The following TRAF5 variants were observed in gnomAD, a reference collection of about 807,000 sequenced individuals.
The protein encoded by TRAF5 is TNF receptor associated factor 5.
Under a neutral mutation model 64.5 loss-of-function variants are expected in TRAF5, and 48 were observed. The observed-to-expected ratio is 0.74, with a 90% CI of 0.59 to 0.95. The LOEUF (loss-of-function observed/expected upper bound fraction) is 0.95, where lower values mean the gene tolerates loss of function less well. TRAF5 is among the 40% of genes least tolerant of loss of function. The probability of loss-of-function intolerance (pLI) is 0.00; values close to 1 mark genes in which losing one functional copy is unlikely to be tolerated. For missense variants in TRAF5, 545 were observed against 662.8 expected (o/e 0.82, Z 1.95); for synonymous variants, 206 against 240.5 (o/e 0.86, Z 1.33).
At chr1:211,354,303 G>A in intron 2 of TRAF5, 107 bp from the exon 3 acceptor site, 1 of 1,009,878 alleles carries the variant, frequency 9.9e-7, no homozygotes, top group Non-Finnish European at 1.5e-6. Context: ...TGCAGACAGG[G>A]ACCAGCCTGC....
At position 211,360,705 on chromosome 1, in the gene TRAF5, CATG is replaced by C. The variant is rs1277085137; in HGVS notation, c.549_551del (p.His183_Glu184delinsGln). 6.2e-7 allele frequency: 1 copy of C among 1,613,282 alleles called. No individual in the cohort carries two copies. The highest frequency in any genetic ancestry group is 2.2e-5 in the East Asian group (1 of 44,878). On this transcript the variant is annotated inframe_deletion, in exon 6 of 11. Transcript: ENST00000261464. ...TATTGCACTTTCTCTATTTCAGAAT[CATG>C]AGGAAAACTTGTGTCCTGAATACCC...
Position 211,361,147 on chromosome 1 carries a change from T to C in TRAF5, c.681T>C (p.Tyr227=), listed in dbSNP as rs145765066. 5 of 1,614,088 alleles carry C rather than the reference T, an allele frequency of 3.1e-6. No individual in the cohort carries two copies. Among genetic ancestry groups the C allele is most frequent in the Non-Finnish European group, 4.2e-6 (5 of 1,180,026 alleles). The change falls in exon 7 of 11, where the codon TAT becomes TAC. Residue 227 remains tyrosine (Y), a synonymous_variant. Coordinates refer to ENST00000261464, the MANE Select transcript of TRAF5 (RefSeq NM_001033910.3). ...EAEQDCPFKH[Y]GCAVTDKRRN... is the part of the protein sequence containing the mutation. Reference sequence around the variant, plus strand: ...AGCAAGACTGTCCTTTTAAGCACTATGGCTGTGCTGTAACGGTATGGAATG... The same window carrying C: ...AGCAAGACTGTCCTTTTAAGCACTACGGCTGTGCTGTAACGGTATGGAATG...
intron 1 of TRAF5, among the ~76,000 whole-genome samples, chr1:211,336,952 C>A (rs1558131917): frequency 6.6e-6 from 1 of 151,818 alleles, no homozygotes; most frequent in Non-Finnish European, 1.5e-5. Flanking sequence ...AGCCGCTGCA[C>A]CTGGCCAGAC....
chr1:211,350,351 G>A (rs1702749549), intron 1 of TRAF5, among the ~76,000 whole-genome samples: 1 of 151,520 alleles, frequency 6.6e-6, no homozygotes, highest in African/African-American at 2.4e-5. Context: ...CAGGTAGCTT[G>A]TGCGAAGGCC....
intron 1 of TRAF5, among the ~76,000 whole-genome samples, chr1:211,349,632 G>T (rs1448373988): frequency 2.0e-5 from 3 of 152,168 alleles, no homozygotes. Flanking sequence ...AAATCATAGG[G>T]GGTCCAGAGA....
At chr1:211,331,815 G>A (rs1035331794) in intron 1 of TRAF5, among the ~76,000 whole-genome samples, 5 of 152,072 alleles carry the variant, frequency 3.3e-5, no homozygotes, top group Admixed American at 1.3e-4. Context: ...ACAGGCATCC[G>A]CCACCACGGC....
intron 8 of TRAF5, among the ~76,000 whole-genome samples, chr1:211,368,583 A>C (rs552493894): frequency 6.6e-6 from 1 of 152,266 alleles, no homozygotes; most frequent in African/African-American, 2.4e-5. Flanking sequence ...GAAGACTGAA[A>C]CTAGTGCTGA....
At chr1:211,339,965 G>A (rs1311341756) in intron 1 of TRAF5, among the ~76,000 whole-genome samples, 1 of 152,240 alleles carries the variant, frequency 6.6e-6, no homozygotes, top group South Asian at 2.1e-4. Context: ...ATGAGCATTT[G>A]TGGGAAGGTG....
At chr1:211,338,788 G>A (rs1702372573) in intron 1 of TRAF5, among the ~76,000 whole-genome samples, 1 of 151,988 alleles carries the variant, frequency 6.6e-6, no homozygotes, top group Non-Finnish European at 1.5e-5. Context: ...CCATGCCCAG[G>A]TAATTTTTAT....
chr1:211,326,925 C>T lies in TRAF5; in HGVS notation c.-2+36C>T, dbSNP rs1280672716. ...CGGGTCGCCGCCCTGGGCACCCTCG[C>T]GACGGAAGGGCCGGGGTGGGGACAC... On this transcript the variant is annotated intron_variant, in intron 1 of 10. Coordinates refer to ENST00000261464, the MANE Select transcript of TRAF5 (RefSeq NM_001033910.3). The surrounding 1 kb of genome is among the most constrained non-coding windows in gnomAD (Gnocchi z 5.0). 1.3e-5 allele frequency: 13 copies of T among 984,814 alleles called. No homozygotes were observed. The South Asian group carries it at 1.4e-4, about 10-fold the overall frequency. 61.0% of individuals were successfully genotyped at this position (984,814 alleles called of 1,614,324 possible).
At chr1:211,364,260 T>C (rs998142651) in intron 7 of TRAF5, among the ~76,000 whole-genome samples, 1 of 152,182 alleles carries the variant, frequency 6.6e-6, no homozygotes, top group Non-Finnish European at 1.5e-5. Context: ...AGTCTATGGT[T>C]TTGAGGGCAA....
At chr1:211,338,284 C>A (rs1230240164) in intron 1 of TRAF5, among the ~76,000 whole-genome samples, 1 of 152,200 alleles carries the variant, frequency 6.6e-6, no homozygotes, top group African/African-American at 2.4e-5. Flanking sequence ...TCCAAGCTAG[C>A]ATTTTCATCA....
intron 8 of TRAF5, 95 bp downstream of exon 8, chr1:211,365,563 G>A: frequency 1.0e-6 from 1 of 988,710 alleles, no homozygotes; most frequent in Non-Finnish European, 1.5e-6. Context: ...CCCTGTTTCA[G>A]TATAAGTCAA....
intron 9 of TRAF5, among the ~76,000 whole-genome samples, chr1:211,370,979 G>A (rs1446481361): frequency 6.6e-6 from 1 of 152,074 alleles, no homozygotes; most frequent in Non-Finnish European, 1.5e-5. Context: ...AAGTGATAGG[G>A]CAAGAGGAGA....
chr1:211,356,292 C>A, intron 3 of TRAF5, 75 bp from the exon 4 acceptor site: 22 of 1,311,868 alleles, frequency 1.7e-5, no homozygotes, highest in Non-Finnish European at 2.3e-5. Context: ...CACTCGAAGA[C>A]CAAATTAGTA....
intron 8 of TRAF5, 116 bp downstream of exon 8, chr1:211,365,584 A>G: frequency 2.5e-6 from 2 of 798,262 alleles, no homozygotes; most frequent in South Asian, 4.0e-5. Context: ...TTAGAGGTAG[A>G]TGTTTTTCTA....
In TRAF5 at chr1:211,372,647, A is replaced by G; in HGVS notation, c.1619A>G (p.Asp540Gly). 1 of 1,614,200 alleles carries G rather than the reference A, an allele frequency of 6.2e-7. No individual in the cohort carries two copies. Among genetic ancestry groups the G allele is most frequent in the South Asian group, 1.1e-5 (1 of 91,082 alleles). ...AATGCCAAGAACGCCTACATTAAAG[A>G]TGACACTCTGTTCTTGAAAGTGGCC... The part of the protein sequence containing the change: ...LENAKNAYIK[D>G]DTLFLKVAVD... The change falls in exon 11 of 11, where the codon GAT becomes GGT. Residue 540 changes from aspartate (D) to glycine (G), a missense_variant. Physicochemically the swap from Asp to Gly is moderately conservative, Grantham distance 94. Coordinates refer to ENST00000261464, the MANE Select transcript of TRAF5 (RefSeq NM_001033910.3).
intron 1 of TRAF5, among the ~76,000 whole-genome samples, chr1:211,352,477 TA>T (rs1434929853): frequency 6.7e-6 from 1 of 148,952 alleles, no homozygotes; most frequent in Non-Finnish European, 1.5e-5. Context: ...TTTTTTTTTT[TA>T]ATTGGCCTGG....
rs537131236 is a variant in TRAF5 at position 211,354,867 on chromosome 1, T to TAAA, written c.276+400_276+401insAAA. ...AGTTCCTTTGCTCATTTTAAAAAATTGAGTTATTTACCTTTTATTGTTGAA... is the reference window on the plus strand; with the variant it reads ...AGTTCCTTTGCTCATTTTAAAAAATTAAAGAGTTATTTACCTTTTATTGTTGAA... On this transcript the variant is annotated intron_variant, in intron 3 of 10. Transcript: ENST00000261464. Among the ~76,000 whole-genome samples, 24 of 152,288 alleles carry TAAA rather than the reference T, an allele frequency of 1.6e-4. No individual in the cohort carries two copies. The South Asian group carries it at 5.0e-3, about 32-fold the overall frequency.
Sources: gnomAD v4.1 joint callset for allele counts (sites outside exome capture counted in the v4.1 genomes callset) on GRCh38, gnomAD v4.1.1 for gene constraint, Gnocchi (gnomAD v3.1) non-coding constraint, MANE v1.5 for transcripts, NCBI Gene and HGNC (gene_info 2026-07-23, HGNC 2026-07-21) for gene names.